The following MCM10 variants were observed in gnomAD, a reference collection of about 807,000 sequenced individuals.
The protein encoded by MCM10 is protein MCM10 homolog.
Under a neutral mutation model 109.9 loss-of-function variants are expected in MCM10, and 91 were observed. The ratio of observed to expected loss-of-function variants is 0.83; its 90% confidence interval spans 0.70 to 0.99. The LOEUF (loss-of-function observed/expected upper bound fraction) is 0.99. MCM10 is among the 50% of genes least tolerant of loss of function. The pLI, the probability that MCM10 is intolerant of heterozygous loss-of-function variation, is 0.00. For synonymous variants in MCM10, 380 were observed against 387.2 expected (o/e 0.98, Z 0.22); for missense variants, 1,077 against 1,061.2 (o/e 1.01, Z -0.21).
chr10:13,170,789 C>T (rs1834060305), intron 2 of MCM10, 133 bp from the exon 3 acceptor site: 4 of 671,624 alleles, frequency 6.0e-6, no homozygotes. Flanking sequence ...TGGTTGAACC[C>T]ATCACCCAGG....
chr10:13,179,963 T>TAGGGAAAAA (rs1834188973), intron 6 of MCM10, among the ~76,000 whole-genome samples: 2 of 152,282 alleles, frequency 1.3e-5, no homozygotes, highest in South Asian at 4.1e-4. Context: ...CTTTAAAAAT[T>TAGGGAAAAA]ATCTTAGAGG....
intron 13 of MCM10, among the ~76,000 whole-genome samples, chr10:13,193,890 A>G (rs1007348289): frequency 3.3e-5 from 5 of 152,132 alleles, no homozygotes; most frequent in Admixed American, 1.3e-4. Flanking sequence ...GCAGTTTGCA[A>G]ACACAGCCTA....
At position 13,166,688 on chromosome 10, in the gene MCM10, A is replaced by ATATATATATATATATATATG. The variant is rs1435674336; in HGVS notation, c.7+2480_7+2481insATATATATATATATATATGT. On this transcript the variant is annotated intron_variant, in intron 2 of 19. Coordinates refer to ENST00000378714, the MANE Select transcript of MCM10 (RefSeq NM_018518.5). ...TATATATATATATATATATATATAT[A>ATATATATATATATATATATG]TCATCAGCTAAGAGTAAAGAGTGGG... is the stretch of plus-strand genomic sequence containing the variant. Among the ~76,000 whole-genome samples, 47 of 135,902 alleles carry ATATATATATATATATATATG rather than the reference A, an allele frequency of 3.5e-4. 1 individual carries two copies. The highest frequency in any genetic ancestry group is 1.4e-3 in the African/African-American group (47 of 33,072). The allele number at this position is 135,902 out of a possible 152,430, so 89.2% of individuals were successfully genotyped here.
chr10:13,196,895 G>A (rs1299554829), intron 14 of MCM10, among the ~76,000 whole-genome samples: 1 of 151,906 alleles, frequency 6.6e-6, no homozygotes, highest in Non-Finnish European at 1.5e-5. Flanking sequence ...TCAAAGGTAG[G>A]TCAATGCTAT....
Position 13,189,074 on chromosome 10 carries a change from C to G in MCM10, c.1409C>G (p.Ala470Gly), listed in dbSNP as rs1389116853. ...GGGGTTTCTTCTGCCTCGTATGCAG[C>G]TTCAATGTAAGACGTTCTCGGGCTT... ...YGGVSSASYA[A>G]SIAAAVAPKK... Residue 470 changes from alanine to glycine, a missense_variant, in exon 10 of 20, where the codon GCT becomes GGT. Transcript: ENST00000378714. The G allele has an allele frequency of 6.2e-7, 1 of 1,614,190 alleles. No individual in the cohort carries two copies. The highest frequency in any genetic ancestry group is 1.1e-5 in the South Asian group (1 of 91,090).
chr10:13,192,760 AC>A (rs3831058), intron 13 of MCM10, among the ~76,000 whole-genome samples, 192 bp downstream of exon 13: 25,907 of 152,170 alleles, frequency 0.17, 2,353 homozygotes, highest in South Asian at 0.2. Context: ...GTGACTCCCA[AC>A]ACCAAATGGT....
chr10:13,204,604 TGTTG>T, intron 18 of MCM10: 1 of 427,486 alleles, frequency 2.3e-6, no homozygotes, highest in Non-Finnish European at 4.1e-6. Context: ...CAGAAGTGTT[TGTTG>T]AATAAATAAG....
At chr10:13,164,787 A>T (rs777490071) in intron 2 of MCM10, among the ~76,000 whole-genome samples, 8 of 152,126 alleles carry the variant, frequency 5.3e-5, no homozygotes, top group Non-Finnish European at 1.0e-4. Context: ...GGCTGGACGC[A>T]GTGGCTCACG....
chr10:13,171,196 G>C lies in MCM10; in HGVS notation c.282G>C (p.Gln94His). ...LTDEEEVPAS[Q>H]STENRVLPAP... is the part of the protein sequence containing the mutation. ...ATGAAGAAGAAGTTCCCGCATCACA[G>C]TCAACTGAAAATAGGGTCCTCCCTG... Residue 94 changes from glutamine to histidine, a missense_variant, in exon 3 of 20, where the codon CAG becomes CAC. By Grantham distance (24) the Gln-to-His change is conservative. Coordinates refer to ENST00000378714, the MANE Select transcript of MCM10 (RefSeq NM_018518.5). The C allele has an allele frequency of 6.2e-7, 1 of 1,614,154 alleles. No individual in the cohort carries two copies. Among genetic ancestry groups the C allele is most frequent in the Non-Finnish European group, 8.5e-7 (1 of 1,180,024 alleles).
chr10:13,197,237 T>G (rs989007137), intron 14 of MCM10, among the ~76,000 whole-genome samples: 8 of 152,206 alleles, frequency 5.3e-5, no homozygotes, highest in Non-Finnish European at 8.8e-5. Flanking sequence ...CATTTTATAC[T>G]TGAAAAATTA....
intron 15 of MCM10, among the ~76,000 whole-genome samples, chr10:13,198,323 A>C (rs1293093721): frequency 6.6e-6 from 1 of 152,254 alleles, no homozygotes; most frequent in South Asian, 2.1e-4. Context: ...TTACTTTGAC[A>C]GAACTAGAAT....
intron 17 of MCM10, among the ~76,000 whole-genome samples, chr10:13,203,235 G>A (rs1220299163): frequency 2.0e-5 from 3 of 152,104 alleles, no homozygotes; most frequent in East Asian, 1.9e-4. Flanking sequence ...CTGCAGACGG[G>A]GCTGCAGTAG....
chr10:13,195,582 GTTTATTTATTTATTTATTTA>G (rs71386164), intron 14 of MCM10: 56,482 of 148,386 alleles, frequency 0.38, 11,621 homozygotes, highest in East Asian at 0.62. Context: ...CTTTTTTTAC[GTTTATTTATTTATTTATTTA>G]TTTATTTATT....
chr10:13,194,910 A>T (rs1834394818), intron 13 of MCM10, 131 bp from the exon 14 acceptor site: 5 of 678,414 alleles, frequency 7.4e-6, no homozygotes, highest in Non-Finnish European at 1.2e-5. Context: ...CCAGCCTAGA[A>T]GGGGACATTA....
At chr10:13,205,962 C>T (rs1392315821) in intron 18 of MCM10, among the ~76,000 whole-genome samples, 2 of 152,154 alleles carry the variant, frequency 1.3e-5, no homozygotes, top group East Asian at 3.9e-4. Context: ...AGGAACCCTC[C>T]CTGGTGCAGC....
chr10:13,208,582 A>AAAG (rs1554777167), intron 18 of MCM10, among the ~76,000 whole-genome samples: 3 of 147,548 alleles, frequency 2.0e-5, no homozygotes, highest in Non-Finnish European at 4.5e-5. Context: ...AAAAAAAAAA[A>AAAG]GGAAAAGAAA....
At chr10:13,165,982 T>TG (rs1833992343) in intron 2 of MCM10, among the ~76,000 whole-genome samples, 1 of 152,020 alleles carries the variant, frequency 6.6e-6, no homozygotes, top group South Asian at 2.1e-4. Flanking sequence ...AATCGGAGAC[T>TG]GTATGGTACT....
At chr10:13,208,160 G>A (rs1414857647) in intron 18 of MCM10, among the ~76,000 whole-genome samples, 1 of 152,134 alleles carries the variant, frequency 6.6e-6, no homozygotes, top group East Asian at 1.9e-4. Flanking sequence ...GAGGCAGATG[G>A]AACACTTGAG....
At position 13,209,364 on chromosome 10, in the gene MCM10, A is replaced by G; in HGVS notation, c.*54A>G. On this transcript the variant is annotated 3_prime_UTR_variant, in exon 20 of 20. Transcript: ENST00000378714. ...TTCCTGGCCTCCTGTGACTCTGGAA[A>G]GCAAAGGATTGGCTGTGTATTGTCC... 19 of 1,379,184 alleles carry G rather than the reference A, an allele frequency of 1.4e-5. No homozygotes were observed. Among genetic ancestry groups the G allele is most frequent in the Non-Finnish European group, 2.0e-5 (19 of 969,998 alleles). 85.4% of individuals were successfully genotyped at this position (1,379,184 alleles called of 1,614,324 possible). A position where few individuals can be genotyped will look rare whatever the true frequency, so the allele number is the denominator to read the frequency against.
Sources: gnomAD v4.1 joint callset for allele counts (sites outside exome capture counted in the v4.1 genomes callset) on GRCh38, gnomAD v4.1.1 for gene constraint, MANE v1.5 for transcripts, NCBI Gene and HGNC (gene_info 2026-07-23, HGNC 2026-07-21) for gene names.